PAN3: variants seen among roughly 807,000 people sequenced by gnomAD.
PAN3 encodes the protein poly(A) specific ribonuclease subunit PAN3.
In PAN3, 19 loss-of-function variants were observed where a neutral mutation model predicts 96.2. The observed-to-expected ratio is 0.20, with a 90% CI of 0.14 to 0.29. The LOEUF (loss-of-function observed/expected upper bound fraction) is 0.29, where lower values mean the gene tolerates loss of function less well. Ranked by LOEUF, PAN3 falls within the 10% of genes least tolerant of loss-of-function variation. PAN3 has a pLI of 1.00. For synonymous variants in PAN3, 433 were observed against 406.6 expected, an observed-to-expected ratio of 1.06 and a Z score of -0.78; for missense variants, 882 against 1,108.1, an observed-to-expected ratio of 0.80 and a Z score of 2.90.
At chr13:28,152,623 A>G (rs755668222) in intron 1 of PAN3, among the ~76,000 whole-genome samples, 12 of 151,998 alleles carry the variant, frequency 7.9e-5, no homozygotes, top group African/African-American at 1.4e-4. Flanking sequence ...GTATCTTATT[A>G]CAGTTGAGTC....
intron 18 of PAN3, among the ~76,000 whole-genome samples, chr13:28,290,282 G>A (rs928354860): frequency 6.6e-6 from 1 of 152,156 alleles, no homozygotes; most frequent in African/African-American, 2.4e-5. Context: ...GTACAGTGTG[G>A]TAACCTTTCA....
intron 6 of PAN3, among the ~76,000 whole-genome samples, chr13:28,253,800 C>G (rs1884931771): frequency 6.6e-6 from 1 of 151,962 alleles, no homozygotes; most frequent in South Asian, 2.1e-4. Context: ...TTAAGTAACT[C>G]CAGTCAGCCT....
intron 5 of PAN3, among the ~76,000 whole-genome samples, chr13:28,200,011 G>A (rs1432632250): frequency 1.3e-5 from 2 of 152,176 alleles, no homozygotes; most frequent in Admixed American, 6.5e-5. Flanking sequence ...TAGCTTATGG[G>A]ATAGATGTTA....
intron 7 of PAN3, among the ~76,000 whole-genome samples, chr13:28,257,613 T>C (rs1401883888): frequency 6.7e-6 from 1 of 148,778 alleles, no homozygotes; most frequent in Non-Finnish European, 1.5e-5. Flanking sequence ...CATAGGAACA[T>C]GAACCCTATT....
At chr13:28,192,323 C>T (rs1877395175) in intron 4 of PAN3, among the ~76,000 whole-genome samples, 1 of 152,202 alleles carries the variant, frequency 6.6e-6, no homozygotes, top group South Asian at 2.1e-4. Context: ...TCGCCTCAGC[C>T]TCCCAAAGTG....
rs572485776 is a variant in PAN3 at position 28,240,512 on chromosome 13, A to T, written c.1001-15780A>T. Among the ~76,000 whole-genome samples, 3 of 152,338 alleles carry T rather than the reference A, an allele frequency of 2.0e-5. No homozygotes were observed. The East Asian group carries it at 5.8e-4, about 29-fold the overall frequency. On this transcript the variant is annotated intron_variant, in intron 6 of 18. Transcript: ENST00000380958. ...AAAGTTGGGATGGTTGAAAATATAT[A>T]GGAGTAATGATAGTATTACCTAGCC...
chr13:28,212,997 C>T (rs1016808205), intron 5 of PAN3, among the ~76,000 whole-genome samples: 1 of 152,084 alleles, frequency 6.6e-6, no homozygotes, highest in East Asian at 1.9e-4. Flanking sequence ...AAGAAAATTA[C>T]ATCAAGGCAC....
chr13:28,231,043 C>G (rs1400287907), intron 6 of PAN3, among the ~76,000 whole-genome samples: 1 of 152,148 alleles, frequency 6.6e-6, no homozygotes, highest in Non-Finnish European at 1.5e-5. Context: ...AGTTTGGGGA[C>G]AAGCAGGTAG....
At chr13:28,232,501 A>G (rs1045362258) in intron 6 of PAN3, 2 of 152,142 alleles carry the variant, frequency 1.3e-5, no homozygotes, top group African/African-American at 2.4e-5. Flanking sequence ...TTTGAAATGT[A>G]TGCTCACTTT....
At chr13:28,272,673 G>A (rs1360286054) in intron 14 of PAN3, among the ~76,000 whole-genome samples, 2 of 151,442 alleles carry the variant, frequency 1.3e-5, no homozygotes, top group African/African-American at 2.4e-5. Flanking sequence ...AGGTTCAAGC[G>A]ATTCTCCTGC....
chr13:28,286,996 C>G (rs1869066718), intron 17 of PAN3, among the ~76,000 whole-genome samples: 1 of 152,050 alleles, frequency 6.6e-6, no homozygotes. Flanking sequence ...ATTCTTTGTT[C>G]TTGTCTTCAC....
chr13:28,213,745 T>G lies in PAN3; in HGVS notation c.853-6486T>G, dbSNP rs191678261. ...AGGTTGGGGGATACTTCAGACTATT[T>G]GGTGAACTCTCACAACTTCGTAATA... is the stretch of plus-strand genomic sequence containing the variant. On this transcript the variant is annotated intron_variant, in intron 5 of 18. Transcript: ENST00000380958. Among the ~76,000 whole-genome samples, 9 of 151,066 alleles carry G rather than the reference T, an allele frequency of 6.0e-5. No individual in the cohort carries two copies. In the East Asian group the frequency reaches 1.5e-3, roughly 26 times the overall value.
At chr13:28,259,975 T>G (rs1277034774) in intron 7 of PAN3, among the ~76,000 whole-genome samples, 17 of 152,204 alleles carry the variant, frequency 1.1e-4, no homozygotes, top group Non-Finnish European at 1.5e-4. Flanking sequence ...TCAGAAAGTA[T>G]TCTCTAACAG....
At chr13:28,215,997 A>AG (rs1880711153) in intron 5 of PAN3, 1 of 712,054 alleles carries the variant, frequency 1.4e-6, no homozygotes, top group African/African-American at 1.7e-5. Flanking sequence ...ATAGTAAAAG[A>AG]CTGGTTAAAG....
intron 6 of PAN3, among the ~76,000 whole-genome samples, chr13:28,240,343 T>C (rs775939777): frequency 3.9e-5 from 6 of 152,330 alleles, no homozygotes; most frequent in Non-Finnish European, 7.4e-5. Context: ...TATACAGGGA[T>C]ACAGTGGATT....
In PAN3 at chr13:28,266,806, A is replaced by G. The variant is rs1886218270; in HGVS notation, c.1503A>G (p.Gly501=). ...PNRIQKSSNF[G]YITSCYKAVN... Reference sequence around the variant, plus strand: ...GGATACAGAAATCAAGTAATTTTGGATATATTACATCTTGCTACAAAGCTG... The same window carrying G: ...GGATACAGAAATCAAGTAATTTTGGGTATATTACATCTTGCTACAAAGCTG... The change falls in exon 10 of 19, where the codon GGA becomes GGG. Residue 501 remains glycine (G), a synonymous_variant. Transcript: ENST00000380958. 1 of 1,611,542 alleles carries G rather than the reference A, an allele frequency of 6.2e-7. No individual in the cohort carries two copies. The highest frequency in any genetic ancestry group is 8.5e-7 in the Non-Finnish European group (1 of 1,178,750).
intron 6 of PAN3, chr13:28,232,628 T>C (rs986388019): frequency 6.6e-6 from 1 of 151,828 alleles, no homozygotes; most frequent in Non-Finnish European, 1.5e-5. Flanking sequence ...AAAAAATTTA[T>C]AAAGATTAAA....
chr13:28,166,740 A>G (rs905086747), intron 1 of PAN3, among the ~76,000 whole-genome samples: 5 of 152,206 alleles, frequency 3.3e-5, no homozygotes, highest in African/African-American at 1.2e-4. Context: ...AGTTAGCACC[A>G]TGTAGGCATC....
intron 1 of PAN3, among the ~76,000 whole-genome samples, chr13:28,158,009 A>C (rs1490676205): frequency 6.6e-6 from 1 of 152,228 alleles, no homozygotes; most frequent in Non-Finnish European, 1.5e-5. Context: ...GACATAGACC[A>C]ATAGAACAGA....
Sources: gnomAD v4.1 joint callset for allele counts (sites outside exome capture counted in the v4.1 genomes callset) on GRCh38, gnomAD v4.1.1 for gene constraint, MANE v1.5 for transcripts, NCBI Gene and HGNC (gene_info 2026-07-23, HGNC 2026-07-21) for gene names.